Variants in CYP7B1 observed in about 807,000 individuals in gnomAD.
CYP7B1 encodes the protein cytochrome P450 family 7 subfamily B member 1, also known as cytochrome P450 7B1.
CYP7B1 carries 29 observed loss-of-function variants against 42.7 expected under a neutral mutation model. That is an observed-to-expected ratio of 0.68 (90% CI 0.51 to 0.93). The LOEUF is 0.93. Among genes scored for constraint, CYP7B1 ranks in the 40% least tolerant of loss-of-function variants. The probability of loss-of-function intolerance (pLI) is 0.00; values close to 1 mark genes in which losing one functional copy is unlikely to be tolerated. For missense variants in CYP7B1, 655 were observed against 600.5 expected (o/e 1.09, Z -0.95); for synonymous variants, 235 against 218.2 (o/e 1.08, Z -0.68).
chr8:64,592,865 C>A lies in CYP7B1; in HGVS notation c.*3777G>T, dbSNP rs772357384. ...CACAGCCAGAATCTGCATCTTTTAA[C>A]TGATTTGTCCAGGACATGTTTTTCT... On this transcript the variant is annotated 3_prime_UTR_variant, in exon 6 of 6. Transcript: ENST00000310193. 1.8e-4 allele frequency among the ~76,000 whole-genome samples: 27 copies of A among 152,198 alleles called. No individual in the cohort carries two copies. Among genetic ancestry groups the A allele is most frequent in the Non-Finnish European group, 3.1e-4 (21 of 68,034 alleles).
chr8:64,730,751 G>GCATACA (rs1554536384), intron 1 of CYP7B1, among the ~76,000 whole-genome samples: 2 of 142,864 alleles, frequency 1.4e-5, no homozygotes, highest in African/African-American at 2.7e-5. Context: ...AGGACTGTCT[G>GCATACA]CACACACACA....
chr8:64,621,657 C>T (rs1051317841), intron 2 of CYP7B1, among the ~76,000 whole-genome samples: 2 of 151,588 alleles, frequency 1.3e-5, no homozygotes, highest in Non-Finnish European at 1.5e-5. Flanking sequence ...CTCATGAGGA[C>T]TACTGTATAT....
intron 1 of CYP7B1, among the ~76,000 whole-genome samples, chr8:64,745,048 A>G (rs1342761863): frequency 6.6e-6 from 1 of 152,226 alleles, no homozygotes; most frequent in Non-Finnish European, 1.5e-5. Context: ...TTGCTTAATG[A>G]AAGATGTCTT....
chr8:64,779,698 C>T (rs1176763350), intron 1 of CYP7B1, among the ~76,000 whole-genome samples: 1 of 152,082 alleles, frequency 6.6e-6, no homozygotes, highest in Non-Finnish European at 1.5e-5. Context: ...TTCACCAGGA[C>T]AACTTTGGTT....
chr8:64,782,361 A>C (rs957676395), intron 1 of CYP7B1, among the ~76,000 whole-genome samples: 1 of 152,150 alleles, frequency 6.6e-6, no homozygotes, highest in Non-Finnish European at 1.5e-5. Flanking sequence ...GTGCCCTTAT[A>C]AAAGAAGCCC....
rs750867598 is a variant in CYP7B1, at chr8:64,615,149, G to A, written c.934C>T (p.Pro312Ser). 1.2e-6 allele frequency: 2 copies of A among 1,613,598 alleles called. No individual in the cohort carries two copies. Among genetic ancestry groups the A allele is most frequent in the South Asian group, 1.1e-5 (1 of 91,068 alleles). ...TCACGCACTGCTGCCATAGCTTCTG[G>A]GTGCCGCAGAAGATAATACATTGCC... is the stretch of plus-strand genomic sequence containing the variant. ...FWAMYYLLRH[P>S]EAMAAVRDEI... is the part of the protein sequence containing the mutation. Residue 312 changes from proline (P) to serine (S), a missense_variant, in exon 4 of 6, where the codon CCA (proline) becomes TCA (serine). Transcript: ENST00000310193.
chr8:64,790,827 C>T (rs564784314), intron 1 of CYP7B1, among the ~76,000 whole-genome samples: 3 of 152,186 alleles, frequency 2.0e-5, no homozygotes, highest in South Asian at 4.2e-4. Context: ...CCTCTAGTAC[C>T]TCAGAATGTT....
At chr8:64,670,782 TA>T (rs1450689100) in intron 1 of CYP7B1, among the ~76,000 whole-genome samples, 1 of 152,158 alleles carries the variant, frequency 6.6e-6, no homozygotes, top group Non-Finnish European at 1.5e-5. Context: ...AGCAGTGAAA[TA>T]GCAACCTGAT....
chr8:64,684,976 A>AT, intron 1 of CYP7B1, among the ~76,000 whole-genome samples: 1 of 152,192 alleles, frequency 6.6e-6, no homozygotes, highest in Non-Finnish European at 1.5e-5. Context: ...TCACACACTG[A>AT]ATGTAAAATG....
At chr8:64,713,041 C>T (rs1435008776) in intron 1 of CYP7B1, among the ~76,000 whole-genome samples, 2 of 152,046 alleles carry the variant, frequency 1.3e-5, no homozygotes, top group Admixed American at 1.3e-4. Flanking sequence ...TCTTATTTAT[C>T]TTTATTCTAT....
intron 1 of CYP7B1, among the ~76,000 whole-genome samples, chr8:64,682,427 A>G (rs991874516): frequency 2.6e-5 from 4 of 152,244 alleles, no homozygotes; most frequent in Non-Finnish European, 5.9e-5. Flanking sequence ...CAAGGGATAC[A>G]TAGGAATAGA....
intron 1 of CYP7B1, among the ~76,000 whole-genome samples, chr8:64,681,839 A>G (rs955335666): frequency 6.6e-6 from 1 of 152,204 alleles, no homozygotes; most frequent in African/African-American, 2.4e-5. Flanking sequence ...CTCAGAAACT[A>G]TGAGATAATA....
downstream of CYP7B1, among the ~76,000 whole-genome samples, chr8:64,587,500 G>A (rs1017673904): frequency 5.9e-5 from 9 of 152,220 alleles, no homozygotes; most frequent in African/African-American, 2.2e-4. Flanking sequence ...TGCCAGGCTT[G>A]TAAGAGGCAC....
At chr8:64,702,820 TATC>T (rs1463875897) in intron 1 of CYP7B1, among the ~76,000 whole-genome samples, 12 of 152,086 alleles carry the variant, frequency 7.9e-5, no homozygotes, top group African/African-American at 2.9e-4. Context: ...CCTAATGTAT[TATC>T]ATCATTCTCA....
At chr8:64,615,652 G>T (rs370959808) in intron 3 of CYP7B1, 39 bp downstream of exon 3, 189 of 1,584,332 alleles carry the variant, frequency 1.2e-4, no homozygotes, top group Non-Finnish European at 1.5e-4. Context: ...TATTGTAAAT[G>T]ATTTTATTTT....
At chr8:64,628,498 T>G (rs534732657) in intron 1 of CYP7B1, among the ~76,000 whole-genome samples, 1 of 151,602 alleles carries the variant, frequency 6.6e-6, no homozygotes, top group Non-Finnish European at 1.5e-5. Flanking sequence ...CTGCAAAAAA[T>G]TTAGCTGGGC....
Position 64,732,484 on chromosome 8 carries a change from G to GC in CYP7B1, c.122+65981dup, listed in dbSNP as rs1280218359. On this transcript the variant is annotated intron_variant, in intron 1 of 5. Transcript: ENST00000310193. ...ATTGTATCTAGGAAGTAACTAATTT[G>GC]CTTTTGACTTCACAGGCTCATAGGC... Among the ~76,000 whole-genome samples the GC allele has an allele frequency of 2.0e-5, 3 of 152,130 alleles. No homozygotes were observed. In the East Asian group the frequency reaches 5.8e-4, roughly 29 times the overall value.
chr8:64,635,063 A>T (rs536385220), intron 1 of CYP7B1, among the ~76,000 whole-genome samples: 1 of 152,240 alleles, frequency 6.6e-6, no homozygotes, highest in Non-Finnish European at 1.5e-5. Context: ...TGTGACACAC[A>T]GCACACAGTG....
At position 64,615,353 on chromosome 8, in the gene CYP7B1, G is replaced by A. The variant is rs1293327038; in HGVS notation, c.851-121C>T. On this transcript the variant is annotated intron_variant, in intron 3 of 5. Coordinates refer to ENST00000310193, the MANE Select transcript of CYP7B1 (RefSeq NM_004820.5). ...GCCAAGGATCAGTGCATGCTAATGA[G>A]AACCAATAGGCTTCTGAAGTCTAAT... The A allele has an allele frequency of 6.4e-6, 6 of 938,566 alleles. No individual in the cohort carries two copies. In the East Asian group the frequency reaches 1.9e-4, roughly 29 times the overall value. The allele number at this position is 938,566 out of a possible 1,614,324, so 58.1% of individuals were successfully genotyped here. A position where few individuals can be genotyped will look rare whatever the true frequency, so the allele number is the denominator to read the frequency against.
Sources: allele counts gnomAD v4.1 joint callset (sites outside exome capture counted in the v4.1 genomes callset), GRCh38; gene constraint gnomAD v4.1.1; transcripts MANE v1.5; gene names NCBI Gene and HGNC (gene_info 2026-07-23, HGNC 2026-07-21).